The following RUNX1 variants were observed in gnomAD, a reference collection of about 807,000 sequenced individuals.
RUNX1 encodes the protein runt-related transcription factor 1.
A neutral mutation model predicts 42.8 loss-of-function variants in RUNX1; 19 were observed. That is an observed-to-expected ratio of 0.44 (90% confidence interval 0.31 to 0.65). The LOEUF is 0.65. Ranked by LOEUF, RUNX1 falls within the 30% of genes least tolerant of loss-of-function variation. RUNX1 has a pLI of 0.07. For missense variants in RUNX1, 528 were observed against 672.0 expected, an observed-to-expected ratio of 0.79 and a Z score of 2.37; for synonymous variants, 271 against 289.4, an observed-to-expected ratio of 0.94 and a Z score of 0.64.
intron 7 of RUNX1, among the ~76,000 whole-genome samples, chr21:34,809,438 C>T (rs1452477364): frequency 6.6e-6 from 1 of 151,882 alleles, no homozygotes; most frequent in Non-Finnish European, 1.5e-5. Context: ...TCACTGACAC[C>T]TCAAGTGGGA....
rs555733096 is a variant in RUNX1 at position 34,930,238 on chromosome 21, AT to A, written c.59-37276del. Among the ~76,000 whole-genome samples the A allele has an allele frequency of 2.7e-3, 300 of 109,118 alleles. 1 individual carries two copies. Among genetic ancestry groups the A allele is most frequent in the African/African-American group, 0.014 (217 of 16,052 alleles). The allele number at this position is 109,118 out of a possible 152,430, so 71.6% of individuals were successfully genotyped here. On this transcript the variant is annotated intron_variant, in intron 2 of 8. Coordinates refer to ENST00000675419, the MANE Select transcript of RUNX1 (RefSeq NM_001754.5). ...ACATGTATATATATTATATATACATATTATATATGTATATTATACGTGTGTG... is the reference window on the plus strand; with the variant it reads ...ACATGTATATATATTATATATACATATATATATGTATATTATACGTGTGTG...
chr21:34,890,696 T>C (rs897033893), intron 3 of RUNX1, among the ~76,000 whole-genome samples: 8 of 151,508 alleles, frequency 5.3e-5, no homozygotes, highest in African/African-American at 1.7e-4. Flanking sequence ...TTTAAAATGA[T>C]TTTTTTAAGC....
intron 2 of RUNX1, among the ~76,000 whole-genome samples, 169 bp downstream of exon 2, chr21:35,048,673 A>C (rs775501926): frequency 3.5e-4 from 54 of 152,372 alleles, no homozygotes; most frequent in Non-Finnish European, 5.9e-4. Context: ...CTGATTAGTA[A>C]GTAATCCAAT....
intron 2 of RUNX1, among the ~76,000 whole-genome samples, chr21:34,896,076 CAG>C (rs2058127736): frequency 6.6e-6 from 1 of 151,954 alleles, no homozygotes; most frequent in African/African-American, 2.4e-5. Context: ...AGCGGGTTTA[CAG>C]AGAGACATCG....
chr21:34,883,234 C>T (rs1186393294), intron 4 of RUNX1, among the ~76,000 whole-genome samples: 1 of 152,146 alleles, frequency 6.6e-6, no homozygotes, highest in East Asian at 1.9e-4. Flanking sequence ...AGAAGTTTAA[C>T]TCCCACTCCT....
intron 2 of RUNX1, among the ~76,000 whole-genome samples, chr21:35,048,626 CTAAG>C (rs1238526929): frequency 6.6e-6 from 1 of 152,238 alleles, no homozygotes; most frequent in Non-Finnish European, 1.5e-5. Context: ...AACAGCATAA[CTAAG>C]TATTTATTAA....
intron 2 of RUNX1, among the ~76,000 whole-genome samples, chr21:35,003,608 A>G (rs1385614732): frequency 6.6e-6 from 1 of 152,196 alleles, no homozygotes; most frequent in East Asian, 1.9e-4. Context: ...CACTGACCTC[A>G]TGAAGCCATG....
At chr21:35,031,717 A>G (rs1184317319) in intron 2 of RUNX1, among the ~76,000 whole-genome samples, 1 of 152,220 alleles carries the variant, frequency 6.6e-6, no homozygotes, top group African/African-American at 2.4e-5. Flanking sequence ...TGTCATTTGC[A>G]GCAACATGGA....
chr21:34,822,757 A>G lies in RUNX1; in HGVS notation c.805+11653T>C, dbSNP rs147111681. Among the ~76,000 whole-genome samples, 12 of 152,342 alleles carry G rather than the reference A, an allele frequency of 7.9e-5. 1 individual carries two copies. In the East Asian group the frequency reaches 2.3e-3, roughly 29 times the overall value. ...TTACAGATATTTTAATAACTTTATC[A>G]TTATATAATTTGCTATCTGATATGT... On this transcript the variant is annotated intron_variant, in intron 7 of 8. Coordinates refer to ENST00000675419, the MANE Select transcript of RUNX1 (RefSeq NM_001754.5).
At chr21:34,990,702 C>A (rs2058930478) in intron 2 of RUNX1, among the ~76,000 whole-genome samples, 1 of 151,868 alleles carries the variant, frequency 6.6e-6, no homozygotes, top group Non-Finnish European at 1.5e-5. Flanking sequence ...AGTGATTCTC[C>A]TGCCTCAGCC....
chr21:34,945,322 G>A (rs1287019449), intron 2 of RUNX1, among the ~76,000 whole-genome samples: 1 of 152,202 alleles, frequency 6.6e-6, no homozygotes, highest in African/African-American at 2.4e-5. Context: ...CCATTTCTCT[G>A]TGCTTACAAA....
In RUNX1 at chr21:34,790,577, CAGT is replaced by C. The variant is rs1200148922; in HGVS notation, c.*1555_*1557del. 6 of 233,244 alleles carry C rather than the reference CAGT, an allele frequency of 2.6e-5. No individual in the cohort carries two copies. Among genetic ancestry groups the C allele is most frequent in the Non-Finnish European group, 5.1e-5 (6 of 118,058 alleles). 14.4% of individuals were successfully genotyped at this position (233,244 alleles called of 1,614,324 possible). On this transcript the variant is annotated 3_prime_UTR_variant, in exon 9 of 9. Coordinates refer to ENST00000675419, the MANE Select transcript of RUNX1 (RefSeq NM_001754.5). ...GATACCTTTGAATTGTAGCCACGGA[CAGT>C]AGTGACATGAATCTTTCCTGTCACA... is the stretch of plus-strand genomic sequence containing the variant.
chr21:34,934,870 GT>G (rs1398967160), intron 2 of RUNX1, among the ~76,000 whole-genome samples: 1 of 152,124 alleles, frequency 6.6e-6, no homozygotes, highest in Non-Finnish European at 1.5e-5. Context: ...GGCTTCATAG[GT>G]TGAAGACTTT....
intron 7 of RUNX1, among the ~76,000 whole-genome samples, chr21:34,812,929 G>A (rs748651185): frequency 6.6e-6 from 1 of 152,210 alleles, no homozygotes; most frequent in Non-Finnish European, 1.5e-5. Context: ...ACCTATGGAA[G>A]ACAGGAATGC....
At chr21:34,865,279 CGTGTGTGTGTGTGTGTGT>C (rs61238560) in intron 5 of RUNX1, among the ~76,000 whole-genome samples, 17 of 132,378 alleles carry the variant, frequency 1.3e-4, no homozygotes, top group Non-Finnish European at 2.1e-4. Context: ...GGGTTTTGTG[CGTGTGTGTGTGTGTGTGT>C]GTGTGTGTGT....
chr21:34,867,271 A>T (rs537785952), intron 5 of RUNX1, among the ~76,000 whole-genome samples: 8 of 151,930 alleles, frequency 5.3e-5, no homozygotes, highest in African/African-American at 4.8e-5. Flanking sequence ...AAATAAAAAT[A>T]AAAAATAAAA....
chr21:34,989,458 G>C (rs955369698), intron 2 of RUNX1, among the ~76,000 whole-genome samples: 1 of 152,054 alleles, frequency 6.6e-6, no homozygotes, highest in Non-Finnish European at 1.5e-5. Flanking sequence ...AAGGCATGAG[G>C]CTGTGCTAGG....
At chr21:35,022,292 G>T (rs1260711210) in intron 2 of RUNX1, among the ~76,000 whole-genome samples, 1 of 152,168 alleles carries the variant, frequency 6.6e-6, no homozygotes, top group Non-Finnish European at 1.5e-5. Flanking sequence ...AGATAGGCTG[G>T]GTGGTAAAGA....
At position 34,907,387 on chromosome 21, in the gene RUNX1, T is replaced by C. The variant is rs2058230808; in HGVS notation, c.59-14424A>G. Among the ~76,000 whole-genome samples, 2 of 152,158 alleles carry C rather than the reference T, an allele frequency of 1.3e-5. No homozygotes were observed. The highest frequency in any genetic ancestry group is 1.5e-5 in the Non-Finnish European group (1 of 68,018). ...ACAAAAGCAAGGTAAGAAGAAGAAA[T>C]AGAACAGAATAACTGGAAAATAGAG... On this transcript the variant is annotated intron_variant, in intron 2 of 8. Coordinates refer to ENST00000675419, the MANE Select transcript of RUNX1 (RefSeq NM_001754.5). This position sits in a 1 kb window ranked among gnomAD's most constrained non-coding sequence, Gnocchi z 5.3.
Sources: gnomAD v4.1 joint callset for allele counts (sites outside exome capture counted in the v4.1 genomes callset) on GRCh38, gnomAD v4.1.1 for gene constraint, Gnocchi (gnomAD v3.1) non-coding constraint, MANE v1.5 for transcripts, NCBI Gene and HGNC (gene_info 2026-07-23, HGNC 2026-07-21) for gene names.